HAO2: variants seen among roughly 807,000 people sequenced by gnomAD.
HAO2 encodes 2-Hydroxyacid oxidase 2.
A neutral mutation model predicts 37.4 loss-of-function variants in HAO2; 42 were observed. That is an observed-to-expected ratio of 1.12 (90% CI 0.88 to 1.45). HAO2 has a LOEUF of 1.45. Among genes scored for constraint, HAO2 ranks in the 40% most tolerant of loss-of-function variants. The probability of loss-of-function intolerance (pLI) is 0.00; values close to 1 mark genes in which losing one functional copy is unlikely to be tolerated. For missense variants in HAO2, 476 were observed against 430.2 expected (o/e 1.11, Z -0.94); for synonymous variants, 180 against 162.8 (o/e 1.11, Z -0.81).
At chr1:119,380,594 C>G (rs1288865970) in intron 1 of HAO2, 1 of 801,878 alleles carries the variant, frequency 1.2e-6, no homozygotes, top group Non-Finnish European at 2.1e-6. Context: ...CAGTGAAAAT[C>G]CAGGGCCTAG....
intron 2 of HAO2, among the ~76,000 whole-genome samples, chr1:119,381,752 G>T (rs1649963043): frequency 1.3e-5 from 2 of 152,206 alleles, no homozygotes; most frequent in Admixed American, 1.3e-4. Flanking sequence ...ACTTATTTTT[G>T]TATGGTCCAT....
chr1:119,372,250 C>A (rs1179538603), intron 1 of HAO2, among the ~76,000 whole-genome samples: 2 of 152,090 alleles, frequency 1.3e-5, no homozygotes, highest in Non-Finnish European at 2.9e-5. Flanking sequence ...TTAAAAATTT[C>A]TTGTATATGC....
chr1:119,374,407 T>C (rs1485729781), intron 1 of HAO2, among the ~76,000 whole-genome samples: 1 of 152,204 alleles, frequency 6.6e-6, no homozygotes, highest in Non-Finnish European at 1.5e-5. Context: ...GTATCCACTA[T>C]CCTTGAGGGG....
At chr1:119,382,884 C>T in intron 2 of HAO2, 31 bp from the exon 3 acceptor site, 1 of 1,605,066 alleles carries the variant, frequency 6.2e-7, no homozygotes, top group Non-Finnish European at 8.5e-7. Flanking sequence ...ATCATCTCAC[C>T]AACAGAAGAT....
At chr1:119,376,440 G>A (rs1212696990) in intron 1 of HAO2, among the ~76,000 whole-genome samples, 2 of 152,324 alleles carry the variant, frequency 1.3e-5, no homozygotes, top group Non-Finnish European at 2.9e-5. Flanking sequence ...AATGTTGAGT[G>A]TCTGTGGCTT....
intron 5 of HAO2, among the ~76,000 whole-genome samples, chr1:119,389,171 C>CA (rs1650668693): frequency 9.1e-5 from 1 of 10,966 alleles, no homozygotes. Context: ...TATATATACA[C>CA]CACAGTTTCT....
chr1:119,369,307 C>T (rs1648770181), intron 1 of HAO2, among the ~76,000 whole-genome samples: 1 of 152,178 alleles, frequency 6.6e-6, no homozygotes, highest in South Asian at 2.1e-4. Flanking sequence ...AGTGACATGG[C>T]TATGCTCCTA....
intron 1 of HAO2, chr1:119,370,442 C>T (rs1013920732): frequency 3.3e-5 from 5 of 152,198 alleles, no homozygotes. Context: ...ATGTCATCAA[C>T]AGGAGGAATA....
At chr1:119,378,897 A>G (rs587612556) in intron 1 of HAO2, among the ~76,000 whole-genome samples, 3 of 152,348 alleles carry the variant, frequency 2.0e-5, no homozygotes, top group South Asian at 4.1e-4. Context: ...GAACATTTGT[A>G]AGCAGCAACT....
intron 1 of HAO2, among the ~76,000 whole-genome samples, chr1:119,374,010 C>A (rs1161298488): frequency 6.6e-6 from 1 of 152,188 alleles, no homozygotes; most frequent in Admixed American, 6.5e-5. Context: ...CTTGCCAGAT[C>A]TGAACTGGAC....
chr1:119,386,953 T>C (rs1650437891), intron 5 of HAO2, 122 bp downstream of exon 5: 2 of 677,600 alleles, frequency 3.0e-6, no homozygotes, highest in Middle Eastern at 2.8e-4. Context: ...ACCACATGTG[T>C]TGGTATGTAT....
At chr1:119,374,032 C>A (rs770145639) in intron 1 of HAO2, among the ~76,000 whole-genome samples, 2 of 152,126 alleles carry the variant, frequency 1.3e-5, no homozygotes, top group Non-Finnish European at 2.9e-5. Flanking sequence ...GGCTTCTTTT[C>A]CCCTCACTCC....
chr1:119,392,845 T>G (rs973274599), intron 7 of HAO2, among the ~76,000 whole-genome samples, 158 bp downstream of exon 7: 1 of 152,130 alleles, frequency 6.6e-6, no homozygotes, highest in African/African-American at 2.4e-5. Flanking sequence ...AGCACTATTC[T>G]CTGCACAGTG....
chr1:119,384,753 G>C (rs1157647858), intron 3 of HAO2, 23 bp from the exon 4 acceptor site: 1 of 1,610,032 alleles, frequency 6.2e-7, no homozygotes, highest in Non-Finnish European at 8.5e-7. Context: ...CCTCCAGCCT[G>C]AGTCATGTCC....
intron 1 of HAO2, among the ~76,000 whole-genome samples, chr1:119,377,790 G>T (rs1275976242): frequency 6.6e-6 from 1 of 152,234 alleles, no homozygotes; most frequent in Non-Finnish European, 1.5e-5. Context: ...AGCTCGGCCA[G>T]GCATGGTGGC....
chr1:119,383,633 TCCACCACCACCACCA>T lies in HAO2; in HGVS notation c.283+579_283+593del, dbSNP rs200619344. Among the ~76,000 whole-genome samples the T allele has an allele frequency of 1.4e-3, 216 of 151,646 alleles. 1 individual carries two copies. The highest frequency in any genetic ancestry group is 5.1e-3 in the African/African-American group (210 of 41,326). On this transcript the variant is annotated intron_variant, in intron 3 of 7. Transcript: ENST00000325945. Reference sequence around the variant, plus strand: ...TCAACCTAATTCTCATCCCACATTCTCCACCACCACCACCACCACCACCACCGCCAATAATAATAA... The same window carrying T: ...TCAACCTAATTCTCATCCCACATTCTCCACCACCACCGCCAATAATAATAA...
intron 7 of HAO2, 62 bp downstream of exon 7, chr1:119,392,749 G>A (rs1466282134): frequency 2.9e-5 from 29 of 1,000,944 alleles, no homozygotes; most frequent in South Asian, 1.1e-4. Flanking sequence ...AATAGGAGCA[G>A]CAGTCCTTCC....
chr1:119,375,447 T>C (rs1376424794), intron 1 of HAO2, among the ~76,000 whole-genome samples: 2 of 152,060 alleles, frequency 1.3e-5, no homozygotes, highest in Non-Finnish European at 2.9e-5. Flanking sequence ...AATATATAAT[T>C]GTATTTTTCA....
intron 2 of HAO2, 56 bp downstream of exon 2, chr1:119,381,272 A>G (rs1649916829): frequency 1.6e-6 from 2 of 1,267,094 alleles, no homozygotes; most frequent in East Asian, 2.3e-5. Flanking sequence ...GTGGAGAGCA[A>G]CTTGGACAGT....
Sources: gnomAD v4.1 joint callset for allele counts (sites outside exome capture counted in the v4.1 genomes callset) on GRCh38, gnomAD v4.1.1 for gene constraint, MANE v1.5 for transcripts, NCBI Gene and HGNC (gene_info 2026-07-23, HGNC 2026-07-21) for gene names.